RDX: variants seen among roughly 807,000 people sequenced by gnomAD.
The protein encoded by RDX is radixin, also known as deafness, autosomal recessive 24.
Under a neutral mutation model 83.7 loss-of-function variants are expected in RDX, and 32 were observed. The observed-to-expected ratio is 0.38, with a 90% CI of 0.29 to 0.51. The LOEUF (loss-of-function observed/expected upper bound fraction) is 0.51. Among genes scored for constraint, RDX ranks in the 20% least tolerant of loss-of-function variants. RDX has a pLI of 0.87. For missense variants in RDX, 600 were observed against 689.9 expected (o/e 0.87, Z 1.46); for synonymous variants, 229 against 222.7 (o/e 1.03, Z -0.25).
At chr11:110,201,457 G>C (rs1863398185) in intron 14 of RDX, among the ~76,000 whole-genome samples, 1 of 152,166 alleles carries the variant, frequency 6.6e-6, no homozygotes, top group Admixed American at 6.6e-5. Flanking sequence ...GCATGTATGA[G>C]TTTCCCTAAC....
chr11:110,245,800 G>A lies in RDX; in HGVS notation c.1090+1903C>T, dbSNP rs569412197. 3.3e-5 allele frequency among the ~76,000 whole-genome samples: 5 copies of A among 152,276 alleles called. No individual in the cohort carries two copies. The East Asian group carries it at 7.7e-4, about 23-fold the overall frequency. On this transcript the variant is annotated intron_variant, in intron 10 of 13. Coordinates refer to ENST00000645495, the MANE Select transcript of RDX (RefSeq NM_002906.4). ...GTCCAGTACTATAATCTCACTACTA[G>A]AAAGGTGCCTAGTACACACAAGGTG...
chr11:110,239,435 T>C (rs1864993803), intron 10 of RDX, among the ~76,000 whole-genome samples: 1 of 151,998 alleles, frequency 6.6e-6, no homozygotes, highest in Admixed American at 6.6e-5. Flanking sequence ...AAACTGTCTA[T>C]CTAAAAAAGG....
intron 1 of RDX, among the ~76,000 whole-genome samples, chr11:110,289,841 C>A (rs1033509639): frequency 6.6e-6 from 1 of 150,762 alleles, no homozygotes; most frequent in South Asian, 2.1e-4. Flanking sequence ...CATCTGTAGT[C>A]CCAACTACTC....
At chr11:110,215,049 A>ATATATATATATATATATATATATATATAT (rs1555033357) in intron 14 of RDX, among the ~76,000 whole-genome samples, 1 of 97,270 alleles carries the variant, frequency 1.0e-5, no homozygotes, top group African/African-American at 3.7e-5. Context: ...AAAAAAAAAA[A>ATATATATATATATATATATATATATATAT]ATATATATAT....
At chr11:110,258,864 A>ATT (rs1859669626) in intron 5 of RDX, among the ~76,000 whole-genome samples, 1 of 120,682 alleles carries the variant, frequency 8.3e-6, no homozygotes, top group African/African-American at 3.2e-5. Context: ...GAGCAAATAC[A>ATT]TTCTTTTTTT....
intron 3 of RDX, among the ~76,000 whole-genome samples, chr11:110,267,515 AAC>A (rs71053877): frequency 0.14 from 18,294 of 131,198 alleles, 1,161 homozygotes; most frequent in East Asian, 0.25. Context: ...TCCGTCTCAA[AAC>A]ACACACACAC....
At chr11:110,218,866 C>T (rs531795742) in intron 14 of RDX, among the ~76,000 whole-genome samples, 40 of 152,270 alleles carry the variant, frequency 2.6e-4, no homozygotes, top group Admixed American at 6.5e-4. Flanking sequence ...CTTCTGAGCT[C>T]TCAGAGCTCA....
chr11:110,183,764 C>A lies in RDX; in HGVS notation c.*32-8530G>T, dbSNP rs560771418. On this transcript the variant is annotated intron_variant, in intron 15 of 15. Coordinates refer to the RDX transcript ENST00000528498. ...ATCAGGCCCACTGAAGGGGCCAGGGCAGCAGGACTCAGTCTGTCACCAAGC... is the reference window on the plus strand; with the variant it reads ...ATCAGGCCCACTGAAGGGGCCAGGGAAGCAGGACTCAGTCTGTCACCAAGC... 3.3e-5 allele frequency among the ~76,000 whole-genome samples: 5 copies of A among 152,346 alleles called. No homozygotes were observed. In the South Asian group the frequency reaches 6.2e-4, roughly 19 times the overall value.
intron 3 of RDX, among the ~76,000 whole-genome samples, chr11:110,271,439 T>C (rs1860307819): frequency 6.6e-6 from 1 of 152,214 alleles, no homozygotes; most frequent in South Asian, 2.1e-4. Flanking sequence ...ATGCCACACA[T>C]GATATATACC....
intron 15 of RDX, among the ~76,000 whole-genome samples, chr11:110,189,718 C>T (rs958228694): frequency 1.3e-5 from 2 of 152,212 alleles, no homozygotes; most frequent in African/African-American, 2.4e-5. Context: ...CAAAACCACA[C>T]AATTACATGG....
intron 15 of RDX, among the ~76,000 whole-genome samples, chr11:110,178,340 TG>T (rs34198814): frequency 0.58 from 88,143 of 151,964 alleles, 26,122 homozygotes; most frequent in East Asian, 0.73. Flanking sequence ...GCAAAAACAG[TG>T]GCTGTGCTGG....
intron 7 of RDX, 94 bp from the exon 8 acceptor site, chr11:110,255,479 G>C (rs2134358088): frequency 1.4e-6 from 1 of 715,770 alleles, no homozygotes; most frequent in East Asian, 2.6e-5. Context: ...CCAATCTTAA[G>C]AGTTCCAGAT....
chr11:110,215,369 T>A (rs11213315), intron 14 of RDX, among the ~76,000 whole-genome samples: 19,187 of 56,390 alleles, frequency 0.34, 1,624 homozygotes, highest in Non-Finnish European at 0.42. Context: ...TCTCAAAAAA[T>A]AAATAAATAA....
intron 15 of RDX, among the ~76,000 whole-genome samples, chr11:110,197,776 A>G (rs1863254186): frequency 6.6e-6 from 1 of 152,228 alleles, no homozygotes; most frequent in African/African-American, 2.4e-5. Context: ...GCGGCAATCT[A>G]TGGCACATTA....
chr11:110,253,499 G>A (rs1402451455), intron 9 of RDX, among the ~76,000 whole-genome samples: 1 of 152,084 alleles, frequency 6.6e-6, no homozygotes, highest in African/African-American at 2.4e-5. Flanking sequence ...GAGAAACAGA[G>A]TTAAAAAGAT....
In RDX at chr11:110,255,326, T is replaced by C. The variant is rs775489692; in HGVS notation, c.758A>G (p.Lys253Arg). 53 of 1,595,010 alleles carry C rather than the reference T, an allele frequency of 3.3e-5. No individual in the cohort carries two copies. The highest frequency in any genetic ancestry group is 1.7e-4 in the Middle Eastern group (1 of 5,982). ...GTCGATTGGCTTTATAACAAATTTT[T>C]TGTCATTAAATGAAATATTTCTGAT... ...SEIRNISFND[K>R]KFVIKPIDKK... The change falls in exon 8 of 14, where the codon AAA becomes AGA. Residue 253 changes from lysine to arginine, a missense_variant. By Grantham distance (26) the Lys-to-Arg change is conservative. Transcript: ENST00000645495.
chr11:110,213,545 C>A (rs1863916977), intron 14 of RDX, among the ~76,000 whole-genome samples: 1 of 6,620 alleles, frequency 1.5e-4, no homozygotes, highest in Admixed American at 1.3e-3. Flanking sequence ...AATCCTAAGC[C>A]AAAAGAACAA....
At position 110,277,009 on chromosome 11, in the gene RDX, C is replaced by T. The variant is rs111671328; in HGVS notation, c.12+2672G>A. ...ATAATGACATATGCACATAATATAT[C>T]GTATATTCATCTTTCTAAAATCCAA... On this transcript the variant is annotated intron_variant, in intron 2 of 13. Transcript: ENST00000645495. 2.6e-5 allele frequency among the ~76,000 whole-genome samples: 4 copies of T among 152,268 alleles called. 1 individual carries two copies. The highest frequency in any genetic ancestry group is 7.2e-5 in the African/African-American group (3 of 41,550).
intron 10 of RDX, among the ~76,000 whole-genome samples, chr11:110,240,314 C>T (rs943865775): frequency 3.6e-5 from 5 of 138,014 alleles, no homozygotes; most frequent in Admixed American, 2.9e-4. Context: ...CATGTTTTCA[C>T]TCATATGTCA....
Sources: gnomAD v4.1 joint callset for allele counts (sites outside exome capture counted in the v4.1 genomes callset) on GRCh38, gnomAD v4.1.1 for gene constraint, MANE v1.5 for transcripts, NCBI Gene and HGNC (gene_info 2026-07-23, HGNC 2026-07-21) for gene names.